Variants in ZNF652 observed in about 807,000 individuals in gnomAD.
ZNF652 encodes zinc finger protein 652.
Under a neutral mutation model 45.2 loss-of-function variants are expected in ZNF652, and 16 were observed. That is an observed-to-expected ratio of 0.35 (90% confidence interval 0.24 to 0.54). The LOEUF (loss-of-function observed/expected upper bound fraction) is 0.54. Ranked by LOEUF, ZNF652 falls within the 20% of genes least tolerant of loss-of-function variation. ZNF652 has a pLI of 0.91. For synonymous variants in ZNF652, 250 were observed against 260.6 expected, an observed-to-expected ratio of 0.96 and a Z score of 0.39; for missense variants, 614 against 765.6, an observed-to-expected ratio of 0.80 and a Z score of 2.34.
chr17:49,355,408 T>G (rs915035636), intron 1 of ZNF652, among the ~76,000 whole-genome samples: 1 of 145,578 alleles, frequency 6.9e-6, no homozygotes. Context: ...GGCAACATAG[T>G]GAGGGAAAAA....
At chr17:49,351,021 ACACACACACAC>A (rs2070275265) in intron 1 of ZNF652, among the ~76,000 whole-genome samples, 2 of 71,976 alleles carry the variant, frequency 2.8e-5, no homozygotes, top group Admixed American at 1.6e-4. Flanking sequence ...ATATACACAC[ACACACACACAC>A]ACACACACAC....
chr17:49,353,953 A>T (rs1477013521), intron 1 of ZNF652, among the ~76,000 whole-genome samples: 1 of 152,224 alleles, frequency 6.6e-6, no homozygotes, highest in African/African-American at 2.4e-5. Flanking sequence ...AAAATATCTT[A>T]AAAAATCTAA....
At position 49,314,111 on chromosome 17, in the gene ZNF652, G is replaced by A. The variant is rs542969776; in HGVS notation, c.901-1266C>T. 2.4e-3 allele frequency among the ~76,000 whole-genome samples: 359 copies of A among 150,712 alleles called. 3 individuals are homozygous for A. The highest frequency in any genetic ancestry group is 2.4e-3 in the Non-Finnish European group (162 of 67,866). ...ATTTATACTTTCAAACACGTCCCTC[G>A]GGCAGAATATACCCTCTGAACTCTT... On this transcript the variant is annotated intron_variant, in intron 2 of 5. Coordinates refer to ENST00000430262, the MANE Select transcript of ZNF652 (RefSeq NM_001145365.3).
At chr17:49,327,905 A>T (rs1303716075) in intron 1 of ZNF652, among the ~76,000 whole-genome samples, 1 of 151,124 alleles carries the variant, frequency 6.6e-6, no homozygotes, top group African/African-American at 2.4e-5. Context: ...GGCATGAGCC[A>T]TCACACCTGT....
At chr17:49,359,568 G>A (rs1648511525) in intron 1 of ZNF652, among the ~76,000 whole-genome samples, 1 of 152,184 alleles carries the variant, frequency 6.6e-6, no homozygotes, top group African/African-American at 2.4e-5. Flanking sequence ...AGCCGGTACT[G>A]TGCTTAAAAT....
intron 1 of ZNF652, among the ~76,000 whole-genome samples, chr17:49,326,753 T>G (rs1470190030): frequency 1.3e-5 from 2 of 152,190 alleles, no homozygotes; most frequent in Non-Finnish European, 2.9e-5. Flanking sequence ...GTACTTATTT[T>G]TATTATCTTT....
At position 49,297,903 on chromosome 17, in the gene ZNF652, T is replaced by C. The variant is rs2069497332; in HGVS notation, c.*510A>G. On this transcript the variant is annotated 3_prime_UTR_variant, in exon 6 of 6. Coordinates refer to ENST00000430262, the MANE Select transcript of ZNF652 (RefSeq NM_001145365.3). ...AGCTACACAAAGAAGAAAATTTCTG[T>C]CTTTCTCTATAATGCTTGATATACT... is the stretch of plus-strand genomic sequence containing the variant. 6.5e-6 allele frequency: 1 copy of C among 154,450 alleles called. No homozygotes were observed. The highest frequency in any genetic ancestry group is 1.4e-5 in the Non-Finnish European group (1 of 69,244). 9.6% of individuals were successfully genotyped at this position (154,450 alleles called of 1,614,324 possible). A position where few individuals can be genotyped will look rare whatever the true frequency, so the allele number is the denominator to read the frequency against.
chr17:49,331,873 G>A (rs894983826), intron 1 of ZNF652, among the ~76,000 whole-genome samples: 1 of 152,216 alleles, frequency 6.6e-6, no homozygotes, highest in African/African-American at 2.4e-5. Flanking sequence ...GGAGGCTGAG[G>A]CAGGAGAATC....
At chr17:49,343,280 C>T (rs778789369) in intron 1 of ZNF652, among the ~76,000 whole-genome samples, 7 of 152,218 alleles carry the variant, frequency 4.6e-5, no homozygotes, top group Non-Finnish European at 8.8e-5. Flanking sequence ...CAAACATCTA[C>T]ATTTCTGAAT....
chr17:49,301,163 A>G (rs573732684), intron 5 of ZNF652, among the ~76,000 whole-genome samples: 54 of 152,334 alleles, frequency 3.5e-4, no homozygotes, highest in Admixed American at 2.8e-3. Flanking sequence ...GCTTTTCATT[A>G]TAGTAGAAAA....
At chr17:49,310,155 G>A (rs1002114881) in intron 5 of ZNF652, among the ~76,000 whole-genome samples, 1 of 152,056 alleles carries the variant, frequency 6.6e-6, no homozygotes, top group African/African-American at 2.4e-5. Flanking sequence ...GGGTTTCACC[G>A]TGTTAGCCAG....
At chr17:49,346,882 T>C (rs913848609) in intron 1 of ZNF652, among the ~76,000 whole-genome samples, 4 of 152,238 alleles carry the variant, frequency 2.6e-5, no homozygotes, top group African/African-American at 9.6e-5. Flanking sequence ...TTATGGTTTC[T>C]AGATATTTCC....
intron 1 of ZNF652, among the ~76,000 whole-genome samples, chr17:49,319,635 CAAAAAAAA>C (rs35770760): frequency 2.2e-5 from 1 of 46,234 alleles, no homozygotes; most frequent in Non-Finnish European, 3.8e-5. Context: ...GACTCTGTCT[CAAAAAAAA>C]AAAAAAAAAA....
intron 2 of ZNF652, among the ~76,000 whole-genome samples, chr17:49,314,708 T>C (rs2069773735): frequency 6.6e-6 from 1 of 152,146 alleles, no homozygotes; most frequent in Non-Finnish European, 1.5e-5. Context: ...ATTAGACCCT[T>C]GGATACTTAA....
intron 1 of ZNF652, among the ~76,000 whole-genome samples, chr17:49,340,994 T>C (rs2070139319): frequency 6.6e-6 from 1 of 152,066 alleles, no homozygotes; most frequent in Non-Finnish European, 1.5e-5. Flanking sequence ...GGTGGGTGGA[T>C]CACTTCAAGC....
In ZNF652 at chr17:49,356,958, AT is replaced by A. The variant is rs2070343884; in HGVS notation, c.-259+4950del. On this transcript the variant is annotated intron_variant, in intron 1 of 5. Coordinates refer to ENST00000430262, the MANE Select transcript of ZNF652 (RefSeq NM_001145365.3). Reference sequence around the variant, plus strand: ...AAACTGTATACATGGCCCTAATTGCATTTACTTTTCAAGGTAATCAATCACT... The same window carrying A: ...AAACTGTATACATGGCCCTAATTGCATTACTTTTCAAGGTAATCAATCACT... Among the ~76,000 whole-genome samples the A allele has an allele frequency of 4.0e-5, 6 of 151,558 alleles. 1 individual carries two copies. In the Admixed American group the frequency reaches 4.0e-4, roughly 10 times the overall value.
chr17:49,336,441 T>A (rs745456639), intron 1 of ZNF652, among the ~76,000 whole-genome samples: 1 of 150,850 alleles, frequency 6.6e-6, no homozygotes, highest in Non-Finnish European at 1.5e-5. Flanking sequence ...GTGATTCTCC[T>A]GCCTCAGCCT....
At position 49,339,197 on chromosome 17, in the gene ZNF652, A is replaced by ATTTT. The variant is rs34574898; in HGVS notation, c.-258-21218_-258-21215dup. On this transcript the variant is annotated intron_variant, in intron 1 of 5. Coordinates refer to ENST00000430262, the MANE Select transcript of ZNF652 (RefSeq NM_001145365.3). ...ACAAAGAAAAGGTCTGAGTTAGGAA[A>ATTTT]TTTTTTTTTTTTTTTTTTTTTTGAG... is the stretch of plus-strand genomic sequence containing the variant. Among the ~76,000 whole-genome samples, 187 of 119,460 alleles carry ATTTT rather than the reference A, an allele frequency of 1.6e-3. 1 individual carries two copies. The highest frequency in any genetic ancestry group is 2.0e-3 in the African/African-American group (61 of 30,902). 78.4% of individuals were successfully genotyped at this position (119,460 alleles called of 152,430 possible). A position where few individuals can be genotyped will look rare whatever the true frequency, so the allele number is the denominator to read the frequency against.
intron 1 of ZNF652, among the ~76,000 whole-genome samples, chr17:49,360,637 G>C (rs2070382599): frequency 6.6e-6 from 1 of 152,008 alleles, no homozygotes; most frequent in Non-Finnish European, 1.5e-5. Context: ...ATTCAGCTCA[G>C]ACACCACACA....
Sources: allele counts gnomAD v4.1 joint callset (sites outside exome capture counted in the v4.1 genomes callset), GRCh38; gene constraint gnomAD v4.1.1; transcripts MANE v1.5; gene names NCBI Gene and HGNC (gene_info 2026-07-23, HGNC 2026-07-21).